Variants in SCARF1 observed in about 807,000 individuals in gnomAD.
SCARF1 encodes scavenger receptor class F member 1.
Under a neutral mutation model 76.3 loss-of-function variants are expected in SCARF1, and 49 were observed. The observed-to-expected ratio is 0.64, with a 90% CI of 0.51 to 0.81. The LOEUF (loss-of-function observed/expected upper bound fraction) is 0.81, where lower values mean the gene tolerates loss of function less well. Ranked by LOEUF, SCARF1 falls within the 40% of genes least tolerant of loss-of-function variation. The pLI, the probability that SCARF1 is intolerant of heterozygous loss-of-function variation, is 0.00. For missense variants in SCARF1, 1,098 were observed against 1,143.9 expected (o/e 0.96, Z 0.58); for synonymous variants, 495 against 474.6 (o/e 1.04, Z -0.56).
At position 1,643,564 on chromosome 17, in the gene SCARF1, G is replaced by A. The variant is rs1164351540; in HGVS notation, c.669C>T (p.Cys223=). 1 of 1,472,206 alleles carries A rather than the reference G, an allele frequency of 6.8e-7. No individual in the cohort carries two copies. Among genetic ancestry groups the A allele is most frequent in the Non-Finnish European group, 8.9e-7 (1 of 1,119,448 alleles). The allele number at this position is 1,472,206 out of a possible 1,614,324, so 91.2% of individuals were successfully genotyped here. The change falls in exon 4 of 11, where the codon TGC becomes TGT. Residue 223 remains cysteine (C), a synonymous_variant. Coordinates refer to ENST00000263071, the MANE Select transcript of SCARF1 (RefSeq NM_003693.4). ...CGCTGCAGCGGCCCCGCACACACTC[G>A]CACTGCTGCTGGCATTCGGGACCCC... is the stretch of plus-strand genomic sequence containing the variant. ...GWWGPECQQQ[C]ECVRGRCSAA...
chr17:1,645,193 G>C lies in SCARF1; in HGVS notation c.148C>G (p.Gln50Glu). The C allele has an allele frequency of 6.2e-7, 1 of 1,613,784 alleles. No individual in the cohort carries two copies. Among genetic ancestry groups the C allele is most frequent in the Middle Eastern group, 1.7e-4 (1 of 6,026 alleles). The change falls in exon 2 of 11, where the codon CAA becomes GAA. Residue 50 changes from glutamine to glutamate, a missense_variant. By Grantham distance (29) the Gln-to-Glu change is conservative (BLOSUM62 2). Transcript: ENST00000263071. This position sits in a 1 kb window ranked among gnomAD's most constrained non-coding sequence, Gnocchi z 6.3. ...GGCTACTCACGGATGGTGCATTCTT[G>C]ATCCTTCTGCCTCCAGCCTGCGCAG... is the stretch of plus-strand genomic sequence containing the variant. ...QCCAGWRQKD[Q>E]ECTIPICEGP...
chr17:1,638,249 C>G (rs533860344), intron 8 of SCARF1: 1 of 152,446 alleles, frequency 6.6e-6, no homozygotes, highest in African/African-American at 2.4e-5. Flanking sequence ...GCCCCCTGCG[C>G]GGGCCCCACC....
chr17:1,638,955 A>G (rs767413410), intron 7 of SCARF1, 29 bp from the exon 8 acceptor site: 3 of 1,560,036 alleles, frequency 1.9e-6, no homozygotes, highest in Admixed American at 3.5e-5. Context: ...GGGGATATTC[A>G]GGCCTTCCTG....
In SCARF1 at chr17:1,634,800, C is replaced by T. The variant is rs369658364; in HGVS notation, c.2451G>A (p.Glu817=). 6.2e-7 allele frequency: 1 copy of T among 1,610,826 alleles called. No homozygotes were observed. Among genetic ancestry groups the T allele is most frequent in the South Asian group, 1.1e-5 (1 of 91,002 alleles). ...TGGAGATGGGTACAACATTCTCATACTCAGGTTCCTCCTGCCTTTCCTCTT... is the reference window on the plus strand; with the variant it reads ...TGGAGATGGGTACAACATTCTCATATTCAGGTTCCTCCTGCCTTTCCTCTT... ...QAEEERQEEP[E]YENVVPISRP... is the part of the protein sequence containing the mutation. Residue 817 remains glutamate (E), a synonymous_variant, in exon 11 of 11, where the codon GAG becomes GAA. Coordinates refer to ENST00000263071, the MANE Select transcript of SCARF1 (RefSeq NM_003693.4).
Position 1,645,719 on chromosome 17 carries a change from G to T in SCARF1, c.-22C>A. On this transcript the variant is annotated 5_prime_UTR_variant, in exon 1 of 11. Coordinates refer to ENST00000263071, the MANE Select transcript of SCARF1 (RefSeq NM_003693.4). This position sits in a 1 kb window ranked among gnomAD's most constrained non-coding sequence, Gnocchi z 6.3. ...CCATGGCAGGCAGCTCGGTGGGAGCGCTCGGGTTCGTCTGGCCCCCACAGC... is the reference window on the plus strand; with the variant it reads ...CCATGGCAGGCAGCTCGGTGGGAGCTCTCGGGTTCGTCTGGCCCCCACAGC... 1.3e-6 allele frequency: 2 copies of T among 1,573,016 alleles called. No individual in the cohort carries two copies. Among genetic ancestry groups the T allele is most frequent in the Non-Finnish European group, 1.7e-6 (2 of 1,163,794 alleles).
chr17:1,634,816 C>T lies in SCARF1; in HGVS notation c.2435G>A (p.Arg812Lys), dbSNP rs61729426. ...QDPQKQAEEE[R>K]QEEPEYENVV... ...ATTCTCATACTCAGGTTCCTCCTGC[C>T]TTTCCTCTTCAGCCTGCTTCTGGGG... is the stretch of plus-strand genomic sequence containing the variant. Residue 812 changes from arginine to lysine, a missense_variant, in exon 11 of 11, where the codon AGG becomes AAG. Transcript: ENST00000263071. 8.9e-4 allele frequency: 1,436 copies of T among 1,613,268 alleles called. 8 individuals are homozygous for T. In the African/African-American group the frequency reaches 0.017, roughly 19 times the overall value.
intron 8 of SCARF1, 64 bp from the exon 9 acceptor site, chr17:1,637,126 G>GGTCTCATGTA: frequency 1.9e-6 from 3 of 1,577,730 alleles, no homozygotes; most frequent in Non-Finnish European, 2.6e-6. Flanking sequence ...GGTCACCTTG[G>GGTCTCATGTA]CAGGGTGTGA....
Position 1,644,891 on chromosome 17 carries a change from C to A in SCARF1, c.208G>T (p.Val70Leu). 1.2e-6 allele frequency: 2 copies of A among 1,613,564 alleles called. No homozygotes were observed. Among genetic ancestry groups the A allele is most frequent in the Non-Finnish European group, 1.7e-6 (2 of 1,179,970 alleles). ...PDACQKDEVC[V>L]KPGLCRCKPG... ...TTGCATCGACAGAGGCCCGGCTTCA[C>A]ACACACCTCGTCTTTCTGGCAGGCG... Residue 70 changes from valine to leucine, a missense_variant, in exon 3 of 11, where the codon GTG becomes TTG. Val to Leu is a conservative substitution (Grantham distance 32). Transcript: ENST00000263071. This position sits in a 1 kb window ranked among gnomAD's most constrained non-coding sequence, Gnocchi z 4.8.
Position 1,636,715 on chromosome 17 carries a change from G to A in SCARF1, c.1627C>T (p.Gln543Ter), listed in dbSNP as rs759764732. ...DEVPAYCVPP[Q>*]EGMVPVAQAG... is the part of the protein sequence containing the mutation. ...TGGGCTGTTGGGGGGCTACCTTCTT[G>A]GGGTGGCACACAGTAGGCAGGAACC... Residue 543 changes from glutamine to a stop codon, truncating the protein, a stop_gained, in exon 10 of 11, where the codon CAA becomes TAA. Coordinates refer to ENST00000263071, the MANE Select transcript of SCARF1 (RefSeq NM_003693.4). LOFTEE classifies it low-confidence loss of function (END_TRUNC). The A allele has an allele frequency of 8.1e-6, 13 of 1,613,926 alleles. No individual in the cohort carries two copies. In the South Asian group the frequency reaches 1.4e-4, roughly 18 times the overall value.
Position 1,634,990 on chromosome 17 carries a change from G to C in SCARF1, c.2261C>G (p.Pro754Arg). The change falls in exon 11 of 11, where the codon CCC becomes CGC. Residue 754 changes from proline to arginine, a missense_variant. Coordinates refer to ENST00000263071, the MANE Select transcript of SCARF1 (RefSeq NM_003693.4). ...AAGCCCAGCTTTTGGGGCTGAGTTG[G>C]GGCTCTGGCCGACAGAGCCAGAGGC... is the stretch of plus-strand genomic sequence containing the variant. ...GLASGSVGQS[P>R]NSAPKAGLPG... 1 of 1,613,770 alleles carries C rather than the reference G, an allele frequency of 6.2e-7. No homozygotes were observed. The highest frequency in any genetic ancestry group is 8.5e-7 in the Non-Finnish European group (1 of 1,179,818).
chr17:1,644,949 C>T lies in SCARF1; in HGVS notation c.164-14G>A, dbSNP rs1050583439. ...CCTCACAGATGGCTGAAAGACACCCCACCCAGGTTGGAAAGACGGGAGCAG... is the reference window on the plus strand; with the variant it reads ...CCTCACAGATGGCTGAAAGACACCCTACCCAGGTTGGAAAGACGGGAGCAG... On this transcript the variant is annotated splice_polypyrimidine_tract_variant and intron_variant, in intron 2 of 10. Transcript: ENST00000263071. This position sits in a 1 kb window ranked among gnomAD's most constrained non-coding sequence, Gnocchi z 4.8. 2.5e-6 allele frequency: 4 copies of T among 1,611,256 alleles called. No homozygotes were observed. Among genetic ancestry groups the T allele is most frequent in the Admixed American group, 1.7e-5 (1 of 59,618 alleles).
chr17:1,638,694 G>T, intron 8 of SCARF1, 112 bp downstream of exon 8: 1 of 1,324,650 alleles, frequency 7.5e-7, no homozygotes, highest in South Asian at 1.9e-5. Context: ...CATCACCTCT[G>T]ACCCACGTGG....
At position 1,645,384 on chromosome 17, in the gene SCARF1, A is replaced by G; in HGVS notation, c.102-145T>C. On this transcript the variant is annotated intron_variant, in intron 1 of 10. Coordinates refer to ENST00000263071, the MANE Select transcript of SCARF1 (RefSeq NM_003693.4). The surrounding 1 kb of genome is among the most constrained non-coding windows in gnomAD (Gnocchi z 6.3). Reference sequence around the variant, plus strand: ...ATGGATCTTTACAGCTAGGGTCCCCAGCCCCTCCCCTCTCCTTCCCTGACC... The same window carrying G: ...ATGGATCTTTACAGCTAGGGTCCCCGGCCCCTCCCCTCTCCTTCCCTGACC... 195 of 1,171,468 alleles carry G rather than the reference A, an allele frequency of 1.7e-4. No individual in the cohort carries two copies. The highest frequency in any genetic ancestry group is 2.2e-4 in the Non-Finnish European group (178 of 825,036). The allele number at this position is 1,171,468 out of a possible 1,614,324, so 72.6% of individuals were successfully genotyped here.
intron 10 of SCARF1, among the ~76,000 whole-genome samples, chr17:1,636,087 C>T (rs1234312487): frequency 6.6e-6 from 1 of 152,202 alleles, no homozygotes; most frequent in Non-Finnish European, 1.5e-5. Flanking sequence ...CTGACTTTCA[C>T]TTGGCCAACT....
rs750999193 is a variant in SCARF1 at position 1,635,122 on chromosome 17, C to T, written c.2129G>A (p.Arg710His). 6 of 1,613,782 alleles carry T rather than the reference C, an allele frequency of 3.7e-6. No homozygotes were observed. The highest frequency in any genetic ancestry group is 4.2e-6 in the Non-Finnish European group (5 of 1,180,032). ...GSEGPVRSVF[R>H]HFGSFQKGQA... ...GCCTTTCTGGAAGCTACCAAAATGG[C>T]GGAAGACAGAGCGGACAGGGCCTTC... Residue 710 changes from arginine (R) to histidine (H), a missense_variant, in exon 11 of 11, where the codon CGC becomes CAC. Physicochemically the swap from Arg to His is conservative, Grantham distance 29. Coordinates refer to ENST00000263071, the MANE Select transcript of SCARF1 (RefSeq NM_003693.4).
rs191565983 is a variant in SCARF1, at chr17:1,642,272, G to A, written c.791+1170C>T. ...ATACGTATACATGTGCCATGTTGGTGTGCTGCACCCACTAGCTCGTCATCT... is the reference window on the plus strand; with the variant it reads ...ATACGTATACATGTGCCATGTTGGTATGCTGCACCCACTAGCTCGTCATCT... On this transcript the variant is annotated intron_variant, in intron 4 of 10. Transcript: ENST00000263071. Among the ~76,000 whole-genome samples, 155 of 151,654 alleles carry A rather than the reference G, an allele frequency of 1.0e-3. 2 individuals carry two copies. The highest frequency in any genetic ancestry group is 3.6e-3 in the African/African-American group (147 of 41,288).
At chr17:1,639,835 G>A in intron 6 of SCARF1, 77 bp downstream of exon 6, 1 of 1,608,480 alleles carries the variant, frequency 6.2e-7, no homozygotes, top group African/African-American at 1.3e-5. Flanking sequence ...CACTGTCCAG[G>A]GAAGTTCAGG....
In SCARF1 at chr17:1,635,389, C is replaced by G. The variant is rs760501209; in HGVS notation, c.1862G>C (p.Arg621Pro). The change falls in exon 11 of 11, where the codon CGG becomes CCG. Residue 621 changes from arginine to proline, a missense_variant. Coordinates refer to ENST00000263071, the MANE Select transcript of SCARF1 (RefSeq NM_003693.4). ...SPLRKPKRLS[R>P]GAQSGPEGRE... ...GCCCTCAGGACCCGACTGCGCCCCC[C>G]GGGAGAGCCTCTTGGGCTTTCGGAG... is the stretch of plus-strand genomic sequence containing the variant. 1.2e-6 allele frequency: 2 copies of G among 1,613,418 alleles called. No homozygotes were observed. Among genetic ancestry groups the G allele is most frequent in the South Asian group, 1.1e-5 (1 of 91,054 alleles).
intron 6 of SCARF1, 29 bp downstream of exon 6, chr17:1,639,883 T>C (rs1211075848): frequency 4.3e-6 from 7 of 1,611,824 alleles, no homozygotes; most frequent in Non-Finnish European, 5.1e-6. Flanking sequence ...CCCCTGGCAC[T>C]CTCCCGCCCC....
Sources: gnomAD v4.1 joint callset for allele counts (sites outside exome capture counted in the v4.1 genomes callset) on GRCh38, gnomAD v4.1.1 for gene constraint, Gnocchi (gnomAD v3.1) non-coding constraint, MANE v1.5 for transcripts, NCBI Gene and HGNC (gene_info 2026-07-23, HGNC 2026-07-21) for gene names.